PIR: variants seen among roughly 807,000 people sequenced by gnomAD.
The protein encoded by PIR is pirin.
In PIR, 22 loss-of-function variants were observed where a neutral mutation model predicts 24.2. The ratio of observed to expected loss-of-function variants is 0.91; its 90% CI spans 0.65 to 1.30. The LOEUF is 1.30. Ranked by LOEUF, PIR falls within the 50% of genes most tolerant of loss-of-function variation. The pLI, the probability that PIR is intolerant of heterozygous loss-of-function variation, is 0.00. For missense variants in PIR, 220 were observed against 220.3 expected (o/e 1.00, Z 0.01); for synonymous variants, 80 against 79.6 (o/e 1.00, Z -0.03).
intron 2 of PIR, among the ~76,000 whole-genome samples, chrX:15,488,293 A>G (rs1263908253): frequency 1.2e-4 from 9 of 77,411 alleles, no homozygotes; most frequent in Non-Finnish European, 2.0e-4. Context: ...AAAAAAAAAA[A>G]AAAAAAAGAA....
chrX:15,462,303 G>A (rs951992601), intron 3 of PIR, among the ~76,000 whole-genome samples: 3 of 112,252 alleles, frequency 2.7e-5, no homozygotes, highest in African/African-American at 6.5e-5. Flanking sequence ...CACTTAAAGC[G>A]TAAAATGTTG....
chrX:15,490,913 T>C (rs1923121196), intron 2 of PIR, among the ~76,000 whole-genome samples: 1 of 112,363 alleles, frequency 8.9e-6, no homozygotes, highest in Non-Finnish European at 1.9e-5. Context: ...CACACCAGTG[T>C]GCAGAGAGAA....
At chrX:15,451,539 T>G (rs1203846660) in intron 5 of PIR, among the ~76,000 whole-genome samples, 1 of 111,882 alleles carries the variant, frequency 8.9e-6, no homozygotes, top group Non-Finnish European at 1.9e-5. Context: ...CTTATTTCAC[T>G]CATTCTTAAT....
intron 3 of PIR, among the ~76,000 whole-genome samples, chrX:15,464,940 C>A (rs1452624752): frequency 8.9e-6 from 1 of 112,324 alleles, no homozygotes; most frequent in Non-Finnish European, 1.9e-5. Context: ...TGCTAACCAT[C>A]TAAAAATATG....
At chrX:15,451,194 G>C (rs1920962906) in intron 5 of PIR, among the ~76,000 whole-genome samples, 2 of 111,405 alleles carry the variant, frequency 1.8e-5, no homozygotes, top group Admixed American at 1.9e-4. Flanking sequence ...GAAATGCCTA[G>C]AAAGCTGATA....
intron 3 of PIR, among the ~76,000 whole-genome samples, chrX:15,477,395 C>T (rs991466047): frequency 1.8e-5 from 2 of 111,602 alleles, no homozygotes; most frequent in Non-Finnish European, 3.8e-5. Context: ...GGATTGTGTT[C>T]CTGCAAGCCT....
At chrX:15,456,847 A>G (rs1271126148) in intron 4 of PIR, among the ~76,000 whole-genome samples, 2 of 112,470 alleles carry the variant, frequency 1.8e-5, no homozygotes, top group Non-Finnish European at 3.8e-5. Flanking sequence ...CAGATTCTTC[A>G]AGTGTTTGTT....
chrX:15,395,032 T>C (rs1320728939), intron 8 of PIR, among the ~76,000 whole-genome samples: 1 of 111,385 alleles, frequency 9.0e-6, no homozygotes, highest in Admixed American at 9.5e-5. Context: ...AGGCAAAAAA[T>C]CAGCTTCTCA....
intron 6 of PIR, among the ~76,000 whole-genome samples, chrX:15,408,656 A>G (rs759140483): frequency 8.9e-6 from 1 of 111,945 alleles, no homozygotes; most frequent in South Asian, 3.7e-4. Flanking sequence ...GAAAAGGCAC[A>G]GTCGAAATGG....
rs765405170 is a variant in PIR at position 15,478,857 on chromosome X, T to C, written c.189+872A>G. 2.7e-5 allele frequency among the ~76,000 whole-genome samples: 3 copies of C among 111,597 alleles called. No homozygotes were observed. In the East Asian group the frequency reaches 8.5e-4, roughly 31 times the overall value. On this transcript the variant is annotated intron_variant, in intron 3 of 9. Transcript: ENST00000380420. ...ATCACCCTACACCAACGCCTGCATA[T>C]CGCCAGCCTTCAATAAATATTTACT...
Position 15,456,055 on chromosome X carries a change from C to T in PIR, c.274-1G>A. On this transcript the variant is annotated splice_acceptor_variant, in intron 4 of 9. Transcript: ENST00000380420. LOFTEE classifies it high-confidence loss of function. The stretch of plus-strand genomic sequence containing the variant: ...GAATGCCCCGGCCCGCAGTCATCCA[C>T]TGCAAACACAAAACCAACAAGAGGG... 8.3e-7 allele frequency: 1 copy of T among 1,206,711 alleles called. No homozygotes were observed. Among genetic ancestry groups the T allele is most frequent in the Non-Finnish European group, 1.1e-6 (1 of 891,687 alleles).
intron 5 of PIR, among the ~76,000 whole-genome samples, chrX:15,429,084 C>T (rs770387472): frequency 4.3e-4 from 48 of 111,749 alleles, no homozygotes; most frequent in African/African-American, 1.5e-3. Context: ...GGTTAACTCG[C>T]TGTATTCTTG....
chrX:15,473,657 A>C (rs1384983388), intron 3 of PIR, among the ~76,000 whole-genome samples: 1 of 110,971 alleles, frequency 9.0e-6, no homozygotes, highest in African/African-American at 3.3e-5. Context: ...CCCAGGTTCA[A>C]ACGATTCTCC....
intron 6 of PIR, 108 bp from the exon 7 acceptor site, chrX:15,407,658 T>C: frequency 1.7e-6 from 1 of 589,733 alleles, no homozygotes; most frequent in Non-Finnish European, 2.9e-6. Context: ...AAATCCTTTT[T>C]TTCCCTTTAG....
At chrX:15,469,391 C>T (rs1367478555) in intron 3 of PIR, among the ~76,000 whole-genome samples, 1 of 111,930 alleles carries the variant, frequency 8.9e-6, no homozygotes, top group Non-Finnish European at 1.9e-5. Flanking sequence ...AACTCACAAA[C>T]AGGAAGTCAG....
At chrX:15,425,506 GGT>G (rs1925280404) in intron 6 of PIR, among the ~76,000 whole-genome samples, 1 of 107,481 alleles carries the variant, frequency 9.3e-6, no homozygotes, top group Non-Finnish European at 1.9e-5. Context: ...CCGCCTCCCG[GGT>G]TCAAGTGATT....
At chrX:15,491,842 C>T (rs1415432063) in intron 1 of PIR, among the ~76,000 whole-genome samples, 1 of 110,952 alleles carries the variant, frequency 9.0e-6, no homozygotes, top group Non-Finnish European at 1.9e-5. Context: ...CTAGGTTATA[C>T]CAGCTAGGTT....
intron 7 of PIR, among the ~76,000 whole-genome samples, chrX:15,398,689 T>TGC (rs1924272589): frequency 1.1e-5 from 1 of 88,017 alleles, no homozygotes; most frequent in African/African-American, 3.9e-5. Context: ...TGTGTGTGTG[T>TGC]GTGTGTGTGT....
chrX:15,450,389 T>A (rs930430524), intron 5 of PIR, among the ~76,000 whole-genome samples: 12 of 111,659 alleles, frequency 1.1e-4, no homozygotes, highest in African/African-American at 3.9e-4. Context: ...TTTTTCTTTT[T>A]TTTTAGCTAG....
Sources: allele counts gnomAD v4.1 joint callset (sites outside exome capture counted in the v4.1 genomes callset), GRCh38; gene constraint gnomAD v4.1.1; transcripts MANE v1.5; gene names NCBI Gene and HGNC (gene_info 2026-07-23, HGNC 2026-07-21).